Variants in ACSL1 observed in about 807,000 individuals in gnomAD.
ACSL1 encodes the protein acyl-CoA synthetase long chain family member 1.
A neutral mutation model predicts 98.4 loss-of-function variants in ACSL1; 41 were observed. That is an observed-to-expected ratio of 0.42 (90% CI 0.32 to 0.54). ACSL1 has a LOEUF of 0.54. ACSL1 is among the 20% of genes least tolerant of loss of function. The pLI is 0.13. For missense variants in ACSL1, 734 were observed against 883.1 expected (o/e 0.83, Z 2.14); for synonymous variants, 316 against 322.7 (o/e 0.98, Z 0.22).
intron 1 of ACSL1, chr4:184,814,004 TGTAAGGCTGGGCACA>T: frequency 2.4e-6 from 1 of 413,320 alleles, no homozygotes; most frequent in East Asian, 7.3e-5. Flanking sequence ...AATATGAACA[TGTAAGGCTGGGCACA>T]GTGGCTCACG....
chr4:184,805,562 C>A (rs767999934), intron 1 of ACSL1: 2 of 977,574 alleles, frequency 2.0e-6, no homozygotes, highest in Non-Finnish European at 2.4e-6. Context: ...CTAGGTGACA[C>A]CCCACTGCAG....
chr4:184,809,708 A>G (rs572852089), intron 1 of ACSL1, among the ~76,000 whole-genome samples: 25 of 152,186 alleles, frequency 1.6e-4, no homozygotes, highest in Non-Finnish European at 3.2e-4. Context: ...AGGCAGGAGA[A>G]TGGTGTGAAC....
intron 4 of ACSL1, among the ~76,000 whole-genome samples, chr4:184,782,531 G>A (rs1766483257): frequency 6.6e-6 from 1 of 152,130 alleles, no homozygotes; most frequent in East Asian, 1.9e-4. Context: ...AACCCAGGAG[G>A]CACAGAGGAT....
chr4:184,792,441 A>AT (rs146302237), intron 2 of ACSL1, among the ~76,000 whole-genome samples: 15,164 of 151,510 alleles, frequency 0.1, 933 homozygotes, highest in Non-Finnish European at 0.14. Context: ...ATAATGAATT[A>AT]TTTTTTTTTC....
At chr4:184,771,003 A>G (rs1476508207) in intron 10 of ACSL1, among the ~76,000 whole-genome samples, 1 of 152,198 alleles carries the variant, frequency 6.6e-6, no homozygotes, top group Non-Finnish European at 1.5e-5. Context: ...ACATGCCTGT[A>G]ATTCCAGCTA....
At chr4:184,774,791 ACATT>A (rs3840201) in intron 7 of ACSL1, among the ~76,000 whole-genome samples, 34,963 of 152,058 alleles carry the variant, frequency 0.23, 4,130 homozygotes, top group Middle Eastern at 0.31. Flanking sequence ...TGCCCAGCAT[ACATT>A]AAGTTTTCAA....
At position 184,757,332 on chromosome 4, in the gene ACSL1, G is replaced by A; in HGVS notation, c.1957-67C>T. On this transcript the variant is annotated intron_variant, in intron 20 of 20. Coordinates refer to ENST00000281455, the MANE Select transcript of ACSL1 (RefSeq NM_001995.5). This position sits in a 1 kb window ranked among gnomAD's most constrained non-coding sequence, Gnocchi z 4.5. ...GGCCACCAGTCTCAAAAGCACGTAA[G>A]CCTTGGAGGGGATCAACACTCTCCA... 1 of 1,532,076 alleles carries A rather than the reference G, an allele frequency of 6.5e-7. No individual in the cohort carries two copies. The highest frequency in any genetic ancestry group is 2.3e-5 in the East Asian group (1 of 43,902). 94.9% of individuals were successfully genotyped at this position (1,532,076 alleles called of 1,614,324 possible).
intron 1 of ACSL1, among the ~76,000 whole-genome samples, chr4:184,811,038 C>G (rs867444240): frequency 6.6e-6 from 1 of 152,114 alleles, no homozygotes; most frequent in Non-Finnish European, 1.5e-5. Context: ...CCCAGTCGTG[C>G]GTGGGTGTTC....
At chr4:184,820,547 C>T (rs1354569324) in intron 1 of ACSL1, among the ~76,000 whole-genome samples, 2 of 152,142 alleles carry the variant, frequency 1.3e-5, no homozygotes, top group African/African-American at 2.4e-5. Context: ...AGCAGTGACA[C>T]CGAAGGAGAC....
At chr4:184,759,992 T>G (rs1209960971) in intron 18 of ACSL1, among the ~76,000 whole-genome samples, 1 of 152,206 alleles carries the variant, frequency 6.6e-6, no homozygotes, top group Non-Finnish European at 1.5e-5. Context: ...AAGCATATCA[T>G]CAATAGGCTG....
chr4:184,782,058 G>A (rs534410300), intron 4 of ACSL1, among the ~76,000 whole-genome samples: 55 of 152,262 alleles, frequency 3.6e-4, no homozygotes, highest in Non-Finnish European at 7.2e-4. Flanking sequence ...CCCTGCCTAT[G>A]GGGAACAGAC....
chr4:184,762,583 G>T, intron 16 of ACSL1, 60 bp from the exon 17 acceptor site: 15 of 1,383,674 alleles, frequency 1.1e-5, no homozygotes, highest in Non-Finnish European at 1.5e-5. Context: ...GAGAAAACTG[G>T]TGTGTGCATG....
At chr4:184,823,429 C>A (rs565634704) in intron 1 of ACSL1, among the ~76,000 whole-genome samples, 1 of 152,192 alleles carries the variant, frequency 6.6e-6, no homozygotes, top group Admixed American at 6.5e-5. Context: ...CAAACTTACA[C>A]AATAAATTCA....
In ACSL1 at chr4:184,757,372, C is replaced by G. The variant is rs1439450672; in HGVS notation, c.1957-107G>C. The G allele has an allele frequency of 7.2e-7, 1 of 1,387,064 alleles. No individual in the cohort carries two copies. The highest frequency in any genetic ancestry group is 9.7e-7 in the Non-Finnish European group (1 of 1,033,150). The allele number at this position is 1,387,064 out of a possible 1,614,324, so 85.9% of individuals were successfully genotyped here. A position where few individuals can be genotyped will look rare whatever the true frequency, so the allele number is the denominator to read the frequency against. On this transcript the variant is annotated intron_variant, in intron 20 of 20. Coordinates refer to ENST00000281455, the MANE Select transcript of ACSL1 (RefSeq NM_001995.5). This position sits in a 1 kb window ranked among gnomAD's most constrained non-coding sequence, Gnocchi z 4.5. ...AACACTCTCCAGCCATCCAATCCAT[C>G]CTCTCATTTCAGCCAAGCTGCACCT...
chr4:184,766,859 A>C lies in ACSL1; in HGVS notation c.1129-103T>G. 7.6e-7 allele frequency: 1 copy of C among 1,312,706 alleles called. No homozygotes were observed. Among genetic ancestry groups the C allele is most frequent in the Non-Finnish European group, 1.0e-6 (1 of 964,278 alleles). 81.3% of individuals were successfully genotyped at this position (1,312,706 alleles called of 1,614,324 possible). A position where few individuals can be genotyped will look rare whatever the true frequency, so the allele number is the denominator to read the frequency against. ...CTCACACACAGCTGGGGAACACAAA[A>C]TGGCACAGCTGCTCTGACAGCCTGG... On this transcript the variant is annotated intron_variant, in intron 12 of 20. Transcript: ENST00000281455. This position sits in a 1 kb window ranked among gnomAD's most constrained non-coding sequence, Gnocchi z 4.8.
At chr4:184,814,584 A>T (rs1348868099) in intron 1 of ACSL1, among the ~76,000 whole-genome samples, 3 of 152,138 alleles carry the variant, frequency 2.0e-5, no homozygotes, top group Non-Finnish European at 4.4e-5. Context: ...TATTTTTCCC[A>T]ATTTTTTACT....
chr4:184,763,049 A>T, intron 16 of ACSL1, 118 bp downstream of exon 16: 1 of 1,010,100 alleles, frequency 9.9e-7, no homozygotes, highest in African/African-American at 1.6e-5. Flanking sequence ...CTCCAGGATC[A>T]CCAATGAAGT....
intron 4 of ACSL1, among the ~76,000 whole-genome samples, chr4:184,781,517 C>T (rs941598081): frequency 6.6e-6 from 1 of 151,998 alleles, no homozygotes; most frequent in Non-Finnish European, 1.5e-5. Flanking sequence ...TTATCCTATC[C>T]TCTCCCTGTT....
At chr4:184,785,029 G>A (rs1372355751) in intron 3 of ACSL1, among the ~76,000 whole-genome samples, 2 of 152,192 alleles carry the variant, frequency 1.3e-5, no homozygotes, top group African/African-American at 4.8e-5. Flanking sequence ...AGAGACGGGC[G>A]CACTGCAGCC....
Sources: allele counts gnomAD v4.1 joint callset (sites outside exome capture counted in the v4.1 genomes callset), GRCh38; gene constraint gnomAD v4.1.1; non-coding constraint Gnocchi (gnomAD v3.1); transcripts MANE v1.5; gene names NCBI Gene and HGNC (gene_info 2026-07-23, HGNC 2026-07-21).